The following RBM23 variants were observed in gnomAD, a reference collection of about 807,000 sequenced individuals.
RBM23 encodes the protein RNA binding motif protein 23, also known as probable RNA-binding protein 23.
A neutral mutation model predicts 56.2 loss-of-function variants in RBM23; 53 were observed. The observed-to-expected ratio is 0.94, with a 90% CI of 0.76 to 1.19. The LOEUF (loss-of-function observed/expected upper bound fraction) is 1.19, where lower values mean the gene tolerates loss of function less well. Among genes scored for constraint, RBM23 ranks in the 50% most tolerant of loss-of-function variants. The probability of loss-of-function intolerance (pLI) is 0.00; values close to 1 mark genes in which losing one functional copy is unlikely to be tolerated. For missense variants in RBM23, 642 were observed against 590.3 expected, an observed-to-expected ratio of 1.09 and a Z score of -0.91; for synonymous variants, 197 against 198.5, an observed-to-expected ratio of 0.99 and a Z score of 0.06.
chr14:22,911,353 A>C lies in RBM23; in HGVS notation c.41T>G (p.Leu14Arg). 3 of 1,613,868 alleles carry C rather than the reference A, an allele frequency of 1.9e-6. No individual in the cohort carries two copies. Among genetic ancestry groups the C allele is most frequent in the Non-Finnish European group, 2.5e-6 (3 of 1,179,824 alleles). ...CTCTTCTTTTTTATAGGGAGCTTCC[A>C]GCATGGCCTCAATCACTATGTCAAA... ...DDFDIVIEAM[L>R]EAPYKKEEDE... The change falls in exon 2 of 14, where the codon CTG becomes CGG. Residue 14 changes from leucine to arginine, a missense_variant. By Grantham distance (102) the Leu-to-Arg change is moderately radical. Transcript: ENST00000359890.
rs1270361563 is a variant in RBM23, at chr14:22,906,382, C to A, written c.228-14G>T. On this transcript the variant is annotated splice_polypyrimidine_tract_variant and intron_variant, in intron 4 of 13. Coordinates refer to ENST00000359890, the MANE Select transcript of RBM23 (RefSeq NM_001077351.2). ...TCTCGACTACGACTACAGAGGGAAA[C>A]AACTACAGTCATGCCCACATCATGT... is the stretch of plus-strand genomic sequence containing the variant. 6.2e-7 allele frequency: 1 copy of A among 1,613,212 alleles called. No individual in the cohort carries two copies. Among genetic ancestry groups the A allele is most frequent in the East Asian group, 2.2e-5 (1 of 44,874 alleles).
rs1265454935 is a variant in RBM23 at position 22,911,310 on chromosome 14, T to C, written c.66+18A>G. The C allele has an allele frequency of 2.5e-6, 4 of 1,609,824 alleles. No homozygotes were observed. The highest frequency in any genetic ancestry group is 3.4e-6 in the Non-Finnish European group (4 of 1,176,854). On this transcript the variant is annotated intron_variant, in intron 2 of 13. Transcript: ENST00000359890. ...TTTCTCATTAACCCAATTCCAGGAG[T>C]GAGGTGGAAAATATTACCTCTTCTT...
rs1356371501 is a variant in RBM23 at position 22,897,784 on chromosome 14, A to G, written c.*3946T>C. ...GGTTAAGATCAAGGGATCTGAAGCG[A>G]GAGTACTTGGATTGGAATCCCTAAC... On this transcript the variant is annotated 3_prime_UTR_variant, in exon 14 of 14. Transcript: ENST00000359890. 6.6e-6 allele frequency: 1 copy of G among 152,212 alleles called. No homozygotes were observed. The highest frequency in any genetic ancestry group is 1.5e-5 in the Non-Finnish European group (1 of 68,034). 9.4% of individuals were successfully genotyped at this position (152,212 alleles called of 1,614,324 possible).
intron 10 of RBM23, chr14:22,903,338 G>C (rs2040952248): frequency 1.0e-6 from 1 of 985,350 alleles, no homozygotes; most frequent in Admixed American, 6.2e-5. Context: ...AGGCAACAAT[G>C]CAAGGGCAAA....
intron 3 of RBM23, 127 bp from the exon 4 acceptor site, chr14:22,908,507 CT>C: frequency 1.0e-6 from 1 of 991,892 alleles, no homozygotes; most frequent in Non-Finnish European, 1.5e-6. Context: ...ATCCTCATGC[CT>C]TAGCCTCCTG....
intron 4 of RBM23, 37 bp downstream of exon 4, chr14:22,908,296 A>C: frequency 6.5e-7 from 1 of 1,547,428 alleles, no homozygotes; most frequent in African/African-American, 1.4e-5. Context: ...CTAGGATTAA[A>C]GATACGAGCC....
chr14:22,914,265 C>T (rs1422664152), intron 1 of RBM23, among the ~76,000 whole-genome samples: 1 of 143,948 alleles, frequency 6.9e-6, no homozygotes, highest in Non-Finnish European at 1.5e-5. Flanking sequence ...ACAGAGGTTG[C>T]AGTGAGCCAA....
At position 22,902,389 on chromosome 14, in the gene RBM23, G is replaced by C. The variant is rs994241976; in HGVS notation, c.931-7C>G. ...CACACTCAGAATCAGAGAACTATGAGAAACCCAGGCCATGTTAGTCACCTA... is the reference window on the plus strand; with the variant it reads ...CACACTCAGAATCAGAGAACTATGACAAACCCAGGCCATGTTAGTCACCTA... On this transcript the variant is annotated splice_region_variant and splice_polypyrimidine_tract_variant and intron_variant, in intron 10 of 13. Transcript: ENST00000359890. The C allele has an allele frequency of 3.7e-6, 6 of 1,608,266 alleles. No individual in the cohort carries two copies. Among genetic ancestry groups the C allele is most frequent in the Non-Finnish European group, 4.3e-6 (5 of 1,175,086 alleles).
At chr14:22,910,228 A>T (rs867660138) in intron 2 of RBM23, among the ~76,000 whole-genome samples, 63 of 146,410 alleles carry the variant, frequency 4.3e-4, no homozygotes, top group Non-Finnish European at 6.3e-4. Flanking sequence ...TTGGGAGGCC[A>T]AGGCAGGCGG....
rs540707540 is a variant in RBM23 at position 22,894,746 on chromosome 14, T to A, written c.*6984A>T. The A allele has an allele frequency of 1.5e-5, 2 of 131,372 alleles. No individual in the cohort carries two copies. The highest frequency in any genetic ancestry group is 4.8e-4 in the South Asian group (2 of 4,138). 8.1% of individuals were successfully genotyped at this position (131,372 alleles called of 1,614,324 possible). ...TGAGACTCTGTCTCAGAAAAATACA[T>A]AAATAAGGCCCAGCCGGGCGCAGTG... On this transcript the variant is annotated 3_prime_UTR_variant, in exon 14 of 14. Transcript: ENST00000359890.
chr14:22,915,709 T>A (rs527575590), intron 1 of RBM23, among the ~76,000 whole-genome samples: 108 of 152,258 alleles, frequency 7.1e-4, no homozygotes, highest in African/African-American at 2.6e-3. Flanking sequence ...TTGGCCAGGC[T>A]GGTCTCAAAC....
At position 22,898,732 on chromosome 14, in the gene RBM23, A is replaced by AAGGCCAAGG. The variant is rs2040289622; in HGVS notation, c.*2997_*2998insCCTTGGCCT. The stretch of plus-strand genomic sequence containing the variant: ...TGTAGGAAGGCCAAGGTAGCTAGGG[A>AAGGCCAAGG]TGGAAACATAAGGAAACCAAGCAGA... On this transcript the variant is annotated 3_prime_UTR_variant, in exon 14 of 14. Coordinates refer to ENST00000359890, the MANE Select transcript of RBM23 (RefSeq NM_001077351.2). The AAGGCCAAGG allele has an allele frequency of 6.6e-6, 1 of 151,822 alleles. No homozygotes were observed. Among genetic ancestry groups the AAGGCCAAGG allele is most frequent in the South Asian group, 2.1e-4 (1 of 4,814 alleles). 9.4% of individuals were successfully genotyped at this position (151,822 alleles called of 1,614,324 possible).
intron 5 of RBM23, 46 bp downstream of exon 5, chr14:22,906,149 A>T (rs774469299): frequency 3.7e-6 from 6 of 1,603,384 alleles, no homozygotes; most frequent in Non-Finnish European, 5.1e-6. Flanking sequence ...TTGTTGTTTT[A>T]TCCAGATTAT....
intron 9 of RBM23, 70 bp downstream of exon 9, chr14:22,904,805 A>G (rs559592875): frequency 2.8e-5 from 44 of 1,596,538 alleles, no homozygotes; most frequent in Non-Finnish European, 3.8e-5. Flanking sequence ...ACAACAGAGA[A>G]GTACACTCAA....
In RBM23 at chr14:22,905,019, A is replaced by G. The variant is rs1230126231; in HGVS notation, c.727-7T>C. 12 of 1,613,974 alleles carry G rather than the reference A, an allele frequency of 7.4e-6. No individual in the cohort carries two copies. The highest frequency in any genetic ancestry group is 1.0e-5 in the Non-Finnish European group (12 of 1,180,024). Reference sequence around the variant, plus strand: ...CCAGTCGGTTTTTCTCTGCCTGGGGAAGGAGGAAATGATGGGTCATGTCCC... The same window carrying G: ...CCAGTCGGTTTTTCTCTGCCTGGGGGAGGAGGAAATGATGGGTCATGTCCC... On this transcript the variant is annotated splice_polypyrimidine_tract_variant and splice_region_variant and intron_variant, in intron 8 of 13. Coordinates refer to ENST00000359890, the MANE Select transcript of RBM23 (RefSeq NM_001077351.2).
chr14:22,905,657 T>A lies in RBM23; in HGVS notation c.404A>T (p.Tyr135Phe). 1 of 1,602,436 alleles carries A rather than the reference T, an allele frequency of 6.2e-7. No homozygotes were observed. Among genetic ancestry groups the A allele is most frequent in the Non-Finnish European group, 8.6e-7 (1 of 1,169,336 alleles). The change falls in exon 6 of 14, where the codon TAT becomes TTT. Residue 135 changes from tyrosine (Y) to phenylalanine (F), a missense_variant and splice_region_variant. Physicochemically the swap from Tyr to Phe is conservative, Grantham distance 22. Coordinates refer to ENST00000359890, the MANE Select transcript of RBM23 (RefSeq NM_001077351.2). ...AGGACTCTTACTGTGTCCATACCTA[T>A]AACTAAAGAATAGAGAAAAACAAAA... Reference protein sequence around the residue: ...HYRSPPLATGYRYGHSKSPHF... With the variant: ...HYRSPPLATGFRYGHSKSPHF...
intron 4 of RBM23, among the ~76,000 whole-genome samples, chr14:22,906,863 A>T (rs946274275): frequency 1.9e-4 from 29 of 151,328 alleles, no homozygotes; most frequent in African/African-American, 6.1e-4. Context: ...ACATGGAGAA[A>T]CTCCGTCTCT....
At chr14:22,917,656 C>G (rs1297470093) in intron 1 of RBM23, 1 of 151,776 alleles carries the variant, frequency 6.6e-6, no homozygotes. Flanking sequence ...GTGATCCGCC[C>G]GCCTCGGCCA....
Position 22,909,566 on chromosome 14 carries a change from CT to C in RBM23, c.95del (p.Lys32ArgfsTer127), listed in dbSNP as rs781403411. The C allele has an allele frequency of 6.2e-7, 1 of 1,613,512 alleles. No homozygotes were observed. The highest frequency in any genetic ancestry group is 1.1e-5 in the South Asian group (1 of 91,060). ...EDEQQRKEVK[K>X]DYPSNTTSST... is the part of the protein sequence containing the mutation. ...TGCTGGTGGTATTGCTAGGATAATCCTTTTTAACTTCTTTCCTTTGTTGCTC... is the reference window on the plus strand; with the variant it reads ...TGCTGGTGGTATTGCTAGGATAATCCTTTTAACTTCTTTCCTTTGTTGCTC... On this transcript the variant is annotated frameshift_variant, in exon 3 of 14. Transcript: ENST00000359890. LOFTEE classifies it high-confidence loss of function.
Sources: allele counts gnomAD v4.1 joint callset (sites outside exome capture counted in the v4.1 genomes callset), GRCh38; gene constraint gnomAD v4.1.1; transcripts MANE v1.5; gene names NCBI Gene and HGNC (gene_info 2026-07-23, HGNC 2026-07-21).